MAST2: variants seen among roughly 807,000 people sequenced by gnomAD.
MAST2 encodes microtubule associated serine/threonine kinase 2.
Under a neutral mutation model 147.4 loss-of-function variants are expected in MAST2, and 70 were observed. That is an observed-to-expected ratio of 0.47 (90% CI 0.39 to 0.58). The LOEUF is 0.58. Among genes scored for constraint, MAST2 ranks in the 20% least tolerant of loss-of-function variants. The pLI, the probability that MAST2 is intolerant of heterozygous loss-of-function variation, is 0.00. For synonymous variants in MAST2, 869 were observed against 896.8 expected, an observed-to-expected ratio of 0.97 and a Z score of 0.55; for missense variants, 2,080 against 2,302.3, an observed-to-expected ratio of 0.90 and a Z score of 1.98.
Position 46,023,835 on chromosome 1 carries a change from G to A in MAST2, c.1635G>A (p.Lys545=). Residue 545 remains lysine (K), a synonymous_variant, in exon 15 of 29, where the codon AAG becomes AAA. Transcript: ENST00000361297. This position sits in a 1 kb window ranked among gnomAD's most constrained non-coding sequence, Gnocchi z 4.9. Reference sequence around the variant, plus strand: ...GCTTTGCCATGAAGAAGATCAACAAGCAGAACCTGATCCTACGGAACCAGA... The same window carrying A: ...GCTTTGCCATGAAGAAGATCAACAAACAGAACCTGATCCTACGGAACCAGA... ...RQRFAMKKIN[K]QNLILRNQIQ... 1.9e-6 allele frequency: 3 copies of A among 1,614,116 alleles called. No homozygotes were observed. The highest frequency in any genetic ancestry group is 1.1e-5 in the South Asian group (1 of 91,084).
intron 8 of MAST2, chr1:46,006,668 T>C (rs1017640860): frequency 8.3e-6 from 2 of 241,348 alleles, no homozygotes; most frequent in Non-Finnish European, 1.6e-5. Context: ...GCATAATACA[T>C]TGGCCAGCTT....
At chr1:45,836,724 C>T (rs74847365) in intron 3 of MAST2, among the ~76,000 whole-genome samples, 57 of 152,208 alleles carry the variant, frequency 3.7e-4, no homozygotes, top group Middle Eastern at 6.8e-3. Context: ...AAAATTCACC[C>T]GTTTTAAGTG....
chr1:45,862,016 T>G (rs1048016556), intron 3 of MAST2, among the ~76,000 whole-genome samples: 1 of 152,254 alleles, frequency 6.6e-6, no homozygotes. Flanking sequence ...TCCACCTCTC[T>G]GGTTACTCTT....
chr1:45,980,591 G>A (rs982610513), intron 5 of MAST2, among the ~76,000 whole-genome samples: 4 of 152,202 alleles, frequency 2.6e-5, no homozygotes, highest in East Asian at 1.9e-4. Flanking sequence ...CTGTAGTGTA[G>A]TGGCATGATC....
intron 4 of MAST2, among the ~76,000 whole-genome samples, chr1:45,903,256 A>T (rs1650106730): frequency 6.8e-6 from 1 of 146,902 alleles, no homozygotes; most frequent in African/African-American, 2.5e-5. Flanking sequence ...CAGCCTCTTG[A>T]GTAGCTGGGA....
chr1:45,995,622 T>C (rs1645025760), intron 5 of MAST2, among the ~76,000 whole-genome samples: 1 of 152,176 alleles, frequency 6.6e-6, no homozygotes, highest in Non-Finnish European at 1.5e-5. Flanking sequence ...TGTTTTGCCA[T>C]GTTGCTTAGG....
intron 1 of MAST2, among the ~76,000 whole-genome samples, chr1:45,813,263 C>T (rs578126365): frequency 9.9e-5 from 15 of 151,958 alleles, no homozygotes; most frequent in Admixed American, 4.6e-4. Context: ...AGTCATGTTC[C>T]GCATAATTAT....
intron 22 of MAST2, 96 bp downstream of exon 22, chr1:46,030,857 T>G (rs1646631624): frequency 6.8e-7 from 1 of 1,476,710 alleles, no homozygotes; most frequent in African/African-American, 1.4e-5. Context: ...GGAGTGCAGG[T>G]GGCAGGGAGG....
intron 3 of MAST2, among the ~76,000 whole-genome samples, chr1:45,835,277 G>A (rs1433778033): frequency 6.6e-6 from 1 of 152,014 alleles, no homozygotes; most frequent in Non-Finnish European, 1.5e-5. Context: ...AGGAAAGTAA[G>A]ACTACTTTGA....
intron 4 of MAST2, among the ~76,000 whole-genome samples, chr1:45,911,092 C>G (rs1651586960): frequency 1.3e-5 from 2 of 152,144 alleles, no homozygotes; most frequent in East Asian, 3.8e-4. Flanking sequence ...GCTCTACAGT[C>G]AATAAATAAA....
At chr1:45,989,321 A>G (rs1047411612) in intron 5 of MAST2, among the ~76,000 whole-genome samples, 4 of 152,210 alleles carry the variant, frequency 2.6e-5, no homozygotes, top group African/African-American at 9.6e-5. Flanking sequence ...GTATAGCAGT[A>G]TCAAAATTAT....
At chr1:45,886,462 G>A (rs1353815890) in intron 4 of MAST2, among the ~76,000 whole-genome samples, 2 of 151,922 alleles carry the variant, frequency 1.3e-5, no homozygotes, top group African/African-American at 4.8e-5. Context: ...AGGTGGTTAT[G>A]AAAGTTCTTT....
chr1:45,906,672 T>G (rs1178088883), intron 4 of MAST2, among the ~76,000 whole-genome samples: 1 of 148,614 alleles, frequency 6.7e-6, no homozygotes, highest in Non-Finnish European at 1.5e-5. Context: ...TTATATAAGT[T>G]TGTAACATAT....
At chr1:45,953,302 C>CT (rs1227151962) in intron 4 of MAST2, among the ~76,000 whole-genome samples, 2 of 152,072 alleles carry the variant, frequency 1.3e-5, no homozygotes, top group Non-Finnish European at 2.9e-5. Context: ...AGAGCAAAGA[C>CT]TTTTCTCCTA....
chr1:45,967,886 G>A (rs181221235), intron 5 of MAST2, among the ~76,000 whole-genome samples: 386 of 152,286 alleles, frequency 2.5e-3, no homozygotes, highest in Non-Finnish European at 4.3e-3. Flanking sequence ...TAATTTTGCT[G>A]TCATTCATTT....
At chr1:46,034,347 C>T in intron 28 of MAST2, 81 bp downstream of exon 28, 3 of 1,453,792 alleles carry the variant, frequency 2.1e-6, no homozygotes, top group Non-Finnish European at 2.8e-6. Context: ...CTGACAGATC[C>T]CACTCTGAGT....
chr1:45,837,628 G>A (rs1645142098), intron 3 of MAST2, among the ~76,000 whole-genome samples: 2 of 151,998 alleles, frequency 1.3e-5, no homozygotes, highest in South Asian at 2.1e-4. Flanking sequence ...TATTTCTCTC[G>A]GGTAAATACC....
In MAST2 at chr1:46,008,381, C is replaced by T. The variant is rs1490518585; in HGVS notation, c.978+10C>T. 2 of 1,602,018 alleles carry T rather than the reference C, an allele frequency of 1.2e-6. No individual in the cohort carries two copies. The highest frequency in any genetic ancestry group is 2.2e-5 in the South Asian group (2 of 90,788). On this transcript the variant is annotated intron_variant, in intron 9 of 28. Transcript: ENST00000361297. Reference sequence around the variant, plus strand: ...AGAAAGATTCCCAAAGGTAAGGATCCATTTAAAAGGAGAGTGGCAATACCC... The same window carrying T: ...AGAAAGATTCCCAAAGGTAAGGATCTATTTAAAAGGAGAGTGGCAATACCC...
chr1:45,985,401 G>A (rs1009916478), intron 5 of MAST2, among the ~76,000 whole-genome samples: 1 of 152,018 alleles, frequency 6.6e-6, no homozygotes, highest in Non-Finnish European at 1.5e-5. Flanking sequence ...GCCAGCTTTC[G>A]ACCTATGTAT....
Sources: allele counts gnomAD v4.1 joint callset (sites outside exome capture counted in the v4.1 genomes callset), GRCh38; gene constraint gnomAD v4.1.1; non-coding constraint Gnocchi (gnomAD v3.1); transcripts MANE v1.5; gene names NCBI Gene and HGNC (gene_info 2026-07-23, HGNC 2026-07-21).